NID2: variants seen among roughly 807,000 people sequenced by gnomAD.
The protein encoded by NID2 is nidogen 2, also known as nidogen-2.
Under a neutral mutation model 145.4 loss-of-function variants are expected in NID2, and 83 were observed. The ratio of observed to expected loss-of-function variants is 0.57; its 90% CI spans 0.48 to 0.69. NID2 has a LOEUF of 0.69. Among genes scored for constraint, NID2 ranks in the 30% least tolerant of loss-of-function variants. NID2 has a pLI of 0.00. For synonymous variants in NID2, 739 were observed against 701.3 expected, an observed-to-expected ratio of 1.05 and a Z score of -0.85; for missense variants, 1,807 against 1,765.7, an observed-to-expected ratio of 1.02 and a Z score of -0.42.
In NID2 at chr14:52,011,181, C is replaced by T. The variant is rs992337055; in HGVS notation, c.3551-134G>A. 17 of 763,716 alleles carry T rather than the reference C, an allele frequency of 2.2e-5. No homozygotes were observed. In the Middle Eastern group the frequency reaches 2.3e-3, roughly 101 times the overall value. 47.3% of individuals were successfully genotyped at this position (763,716 alleles called of 1,614,324 possible). ...CCAAGTGTCTCCAAGTCCCCAAGAA[C>T]CAGGTTAATAGAGAAACAAGTACTT... On this transcript the variant is annotated intron_variant, in intron 17 of 21. Coordinates refer to ENST00000216286, the MANE Select transcript of NID2 (RefSeq NM_007361.4).
chr14:52,050,810 T>C (rs1487614364), intron 5 of NID2, among the ~76,000 whole-genome samples: 2 of 152,192 alleles, frequency 1.3e-5, no homozygotes, highest in Non-Finnish European at 2.9e-5. Flanking sequence ...GGTCTCCCTA[T>C]GTTGCCCAGG....
In NID2 at chr14:52,065,482, T is replaced by TTTATTTATTTA. The variant is rs1893164414; in HGVS notation, c.534+2375_534+2376insTAAATAAATAA. Among the ~76,000 whole-genome samples, 13 of 133,024 alleles carry TTTATTTATTTA rather than the reference T, an allele frequency of 9.8e-5. No homozygotes were observed. In the East Asian group the frequency reaches 3.0e-3, roughly 31 times the overall value. The allele number at this position is 133,024 out of a possible 152,430, so 87.3% of individuals were successfully genotyped here. On this transcript the variant is annotated intron_variant, in intron 2 of 21. Transcript: ENST00000216286. Reference sequence around the variant, plus strand: ...TTTTTTTTTTTTTTTCCCCTTTCTTTTTTATTTATTTATTTATTTATTTAT... The same window carrying TTTATTTATTTA: ...TTTTTTTTTTTTTTTCCCCTTTCTTTTTATTTATTTATTTATTTATTTATTTATTTATTTAT...
At chr14:52,006,934 A>G (rs1458517645) in intron 19 of NID2, 1 of 249,274 alleles carries the variant, frequency 4.0e-6, no homozygotes, top group African/African-American at 2.2e-5. Context: ...AATTATTTTT[A>G]TAATTTGTGT....
intron 18 of NID2, chr14:52,008,610 T>G (rs1239571504): frequency 6.6e-6 from 1 of 152,202 alleles, no homozygotes. Flanking sequence ...GTGGGAGAAG[T>G]CATTACTAAG....
chr14:52,050,683 C>T (rs889153613), intron 5 of NID2, among the ~76,000 whole-genome samples: 1 of 152,162 alleles, frequency 6.6e-6, no homozygotes, highest in African/African-American at 2.4e-5. Context: ...TCATGGCTCA[C>T]TGTAGCCTGG....
rs775739862 is a variant in NID2, at chr14:52,068,933, A to T, written c.62T>A (p.Leu21Gln). 6.2e-7 allele frequency: 1 copy of T among 1,612,702 alleles called. No homozygotes were observed. Among genetic ancestry groups the T allele is most frequent in the Admixed American group, 1.7e-5 (1 of 60,008 alleles). The change falls in exon 1 of 22, where the codon CTG becomes CAG. Residue 21 changes from leucine to glutamine, a missense_variant. Transcript: ENST00000216286. ...CGCGGCCCGCAACATTAGCAACGGC[A>T]GCAGCAGTAGCACTGGTAACGACGA... ...VLSSLPVLLLLPLLMLRAAAL... is the reference protein window; with the variant it reads ...VLSSLPVLLLQPLLMLRAAAL...
intron 16 of NID2, among the ~76,000 whole-genome samples, chr14:52,013,905 T>C (rs1468306165): frequency 6.6e-6 from 1 of 152,266 alleles, no homozygotes; most frequent in Non-Finnish European, 1.5e-5. Context: ...TTGTGACTAG[T>C]TGTCCTGTCA....
chr14:52,050,966 G>A (rs773603050), intron 5 of NID2, among the ~76,000 whole-genome samples: 6 of 152,146 alleles, frequency 3.9e-5, no homozygotes, highest in African/African-American at 9.7e-5. Context: ...ACAGGTACAC[G>A]GCAGGTGCTT....
chr14:52,029,017 G>A lies in NID2; in HGVS notation c.2402-167C>T, dbSNP rs573341747. ...TATGAATGCATGTTGCAGATAATCA[G>A]AAATAGTAAAAATTTCATGCCATTC... On this transcript the variant is annotated intron_variant, in intron 10 of 21. Transcript: ENST00000216286. 5.9e-5 allele frequency among the ~76,000 whole-genome samples: 9 copies of A among 152,316 alleles called. No homozygotes were observed. The South Asian group carries it at 1.9e-3, about 32-fold the overall frequency.
intron 17 of NID2, 115 bp downstream of exon 17, chr14:52,011,439 G>A: frequency 7.6e-7 from 1 of 1,312,148 alleles, no homozygotes; most frequent in Non-Finnish European, 1.1e-6. Context: ...AAAATGACTT[G>A]CCTAGAACTT....
chr14:52,028,902 G>A (rs757644692), intron 10 of NID2, 52 bp from the exon 11 acceptor site: 8 of 1,594,092 alleles, frequency 5.0e-6, no homozygotes, highest in Non-Finnish European at 6.9e-6. Context: ...GGTCCCAGAA[G>A]TGGAGGGTCT....
At chr14:52,024,350 G>T (rs56003563) in intron 12 of NID2, among the ~76,000 whole-genome samples, 27,107 of 152,186 alleles carry the variant, frequency 0.18, 3,102 homozygotes, top group East Asian at 0.5. Flanking sequence ...AATAAAGTAA[G>T]CTGTAGTGTT....
chr14:52,018,674 T>G (rs78079863), intron 14 of NID2, among the ~76,000 whole-genome samples: 1 of 152,238 alleles, frequency 6.6e-6, no homozygotes, highest in African/African-American at 2.4e-5. Context: ...GTAAGTGAGA[T>G]AGTTACATAG....
At chr14:52,062,547 T>C (rs1893049257) in intron 2 of NID2, among the ~76,000 whole-genome samples, 1 of 152,044 alleles carries the variant, frequency 6.6e-6, no homozygotes, top group Admixed American at 6.6e-5. Context: ...AAAAATCAAC[T>C]AGGGAAAGAA....
At chr14:52,047,529 G>C (rs1031204950) in intron 5 of NID2, among the ~76,000 whole-genome samples, 12 of 152,252 alleles carry the variant, frequency 7.9e-5, no homozygotes, top group African/African-American at 2.4e-4. Flanking sequence ...AGGGTTTCGA[G>C]CAGAAGAGTA....
chr14:52,045,877 G>T (rs1201718854), intron 5 of NID2, among the ~76,000 whole-genome samples: 2 of 120,458 alleles, frequency 1.7e-5, no homozygotes, highest in African/African-American at 6.8e-5. Context: ...CTCCCTCGGG[G>T]GCTTTGTGGA....
At chr14:52,029,832 G>A (rs2140377743) in intron 9 of NID2, 142 bp from the exon 10 acceptor site, 3 of 667,010 alleles carry the variant, frequency 4.5e-6, no homozygotes, top group Non-Finnish European at 7.3e-6. Flanking sequence ...CATATCTGAA[G>A]CTAGGGTGGA....
At position 52,060,220 on chromosome 14, in the gene NID2, C is replaced by T. The variant is rs758869302; in HGVS notation, c.671G>A (p.Arg224Gln). ...AGCCTCCCCTCGGCAGAAGCCCACCCGAGCTGGAAGCTGAAGCTGGACATT... is the reference window on the plus strand; with the variant it reads ...AGCCTCCCCTCGGCAGAAGCCCACCTGAGCTGGAAGCTGAAGCTGGACATT... Reference protein sequence around the residue: ...SYNVQLQLPARVGFCRGEADD... With the variant: ...SYNVQLQLPAQVGFCRGEADD... The change falls in exon 3 of 22, where the codon CGG (arginine) becomes CAG (glutamine). Residue 224 changes from arginine to glutamine, a missense_variant. Coordinates refer to ENST00000216286, the MANE Select transcript of NID2 (RefSeq NM_007361.4). 17 of 1,613,922 alleles carry T rather than the reference C, an allele frequency of 1.1e-5. No homozygotes were observed. Among genetic ancestry groups the T allele is most frequent in the South Asian group, 5.5e-5 (5 of 91,068 alleles).
At chr14:52,062,760 T>A (rs12885691) in intron 2 of NID2, among the ~76,000 whole-genome samples, 9,673 of 152,246 alleles carry the variant, frequency 0.064, 408 homozygotes, top group Middle Eastern at 0.14. Flanking sequence ...AACAGAGCTG[T>A]GAAGAGGAGA....
Sources: gnomAD v4.1 joint callset for allele counts (sites outside exome capture counted in the v4.1 genomes callset) on GRCh38, gnomAD v4.1.1 for gene constraint, MANE v1.5 for transcripts, NCBI Gene and HGNC (gene_info 2026-07-23, HGNC 2026-07-21) for gene names.